Variants in MARK2 observed in about 807,000 individuals in gnomAD.
MARK2 encodes the protein microtubule affinity regulating kinase 2.
Under a neutral mutation model 89.8 loss-of-function variants are expected in MARK2, and 16 were observed. The ratio of observed to expected loss-of-function variants is 0.18; its 90% confidence interval spans 0.12 to 0.27. The LOEUF (loss-of-function observed/expected upper bound fraction) is 0.27, where lower values mean the gene tolerates loss of function less well. MARK2 is among the 10% of genes least tolerant of loss of function. The pLI is 1.00. For missense variants in MARK2, 621 were observed against 1,049.9 expected (o/e 0.59, Z 5.65); for synonymous variants, 382 against 399.5 (o/e 0.96, Z 0.52).
chr11:63,853,218 G>C (rs1388192114), intron 1 of MARK2, among the ~76,000 whole-genome samples: 1 of 152,012 alleles, frequency 6.6e-6, no homozygotes, highest in Non-Finnish European at 1.5e-5. Context: ...GGCCAACATG[G>C]TGAAACTCCT....
At chr11:63,888,364 T>G (rs1939530192) in intron 1 of MARK2, among the ~76,000 whole-genome samples, 1 of 152,030 alleles carries the variant, frequency 6.6e-6, no homozygotes, top group Non-Finnish European at 1.5e-5. Flanking sequence ...CCTACCCAGG[T>G]CCCACCTGCC....
intron 1 of MARK2, among the ~76,000 whole-genome samples, chr11:63,856,056 A>G (rs2016820294): frequency 6.6e-6 from 1 of 152,190 alleles, no homozygotes; most frequent in African/African-American, 2.4e-5. Context: ...AAGGTGAGAA[A>G]ACCACGGTAG....
intron 1 of MARK2, among the ~76,000 whole-genome samples, chr11:63,846,817 G>A (rs956558553): frequency 2.0e-5 from 3 of 151,668 alleles, no homozygotes; most frequent in Non-Finnish European, 2.9e-5. Context: ...CACCACACCC[G>A]GCTAATTTTT....
At chr11:63,907,939 C>CA (rs1941479973) in intron 17 of MARK2, among the ~76,000 whole-genome samples, 1 of 152,234 alleles carries the variant, frequency 6.6e-6, no homozygotes, top group Non-Finnish European at 1.5e-5. Flanking sequence ...GCCGTGTGCT[C>CA]AGTGTGCTCA....
chr11:63,909,405 T>C lies in MARK2; in HGVS notation c.*168T>C, dbSNP rs1401840635. 10 of 662,634 alleles carry C rather than the reference T, an allele frequency of 1.5e-5. No homozygotes were observed. Among genetic ancestry groups the C allele is most frequent in the Admixed American group, 3.5e-5 (1 of 28,548 alleles). The allele number at this position is 662,634 out of a possible 1,614,324, so 41.0% of individuals were successfully genotyped here. On this transcript the variant is annotated 3_prime_UTR_variant, in exon 19 of 19. Coordinates refer to ENST00000402010, the MANE Select transcript of MARK2 (RefSeq NM_001039469.3). Reference sequence around the variant, plus strand: ...TTTTCTCTTACATGTTTGTGGGGGGTGGGAGATTGTTCTCCAGCACCCCAC... The same window carrying C: ...TTTTCTCTTACATGTTTGTGGGGGGCGGGAGATTGTTCTCCAGCACCCCAC...
chr11:63,867,353 A>G (rs1371037708), intron 1 of MARK2, among the ~76,000 whole-genome samples: 9 of 152,222 alleles, frequency 5.9e-5, no homozygotes, highest in Admixed American at 5.2e-4. Flanking sequence ...GAGCTGAGCT[A>G]TAGAACTGGT....
intron 1 of MARK2, among the ~76,000 whole-genome samples, chr11:63,893,551 C>G (rs1332893997): frequency 1.3e-5 from 2 of 151,856 alleles, no homozygotes; most frequent in East Asian, 3.9e-4. Context: ...TTTCATTTCT[C>G]TTTTGTATAT....
intron 1 of MARK2, among the ~76,000 whole-genome samples, chr11:63,866,030 G>A (rs187135367): frequency 2.0e-5 from 3 of 151,974 alleles, no homozygotes; most frequent in African/African-American, 7.3e-5. Context: ...CCTCTATTTC[G>A]TTTGGTTTTC....
chr11:63,884,900 A>G (rs573245423), intron 1 of MARK2, among the ~76,000 whole-genome samples: 5 of 152,328 alleles, frequency 3.3e-5, no homozygotes, highest in African/African-American at 1.2e-4. Context: ...TCCAACTCCC[A>G]GTTACAAGAT....
chr11:63,878,229 A>G (rs1244812379), intron 1 of MARK2, among the ~76,000 whole-genome samples: 2 of 152,134 alleles, frequency 1.3e-5, no homozygotes, highest in Non-Finnish European at 2.9e-5. Flanking sequence ...TGTGTAAGGC[A>G]GCACCCATTT....
intron 1 of MARK2, among the ~76,000 whole-genome samples, chr11:63,857,633 T>C (rs962832027): frequency 6.6e-6 from 1 of 152,274 alleles, no homozygotes; most frequent in Non-Finnish European, 1.5e-5. Flanking sequence ...ACTCATGTTC[T>C]GTTAAATGAA....
At chr11:63,906,060 T>G in intron 16 of MARK2, 28 bp from the exon 17 acceptor site, 1 of 1,354,430 alleles carries the variant, frequency 7.4e-7, no homozygotes, top group Middle Eastern at 1.9e-4. Context: ...CTTTTTTTAT[T>G]TTGTCTTTTT....
intron 1 of MARK2, among the ~76,000 whole-genome samples, chr11:63,847,673 G>A (rs1204901322): frequency 6.6e-6 from 1 of 152,200 alleles, no homozygotes; most frequent in Non-Finnish European, 1.5e-5. Flanking sequence ...CTCTGAGCTG[G>A]TCCTTCACTC....
chr11:63,878,851 T>G (rs941700419), intron 1 of MARK2, among the ~76,000 whole-genome samples: 10 of 152,208 alleles, frequency 6.6e-5, no homozygotes, highest in Non-Finnish European at 1.0e-4. Flanking sequence ...CTTGAAATAC[T>G]ATGCTGGGAC....
intron 1 of MARK2, among the ~76,000 whole-genome samples, chr11:63,846,865 C>T (rs2016310098): frequency 6.6e-6 from 1 of 151,912 alleles, no homozygotes; most frequent in African/African-American, 2.4e-5. Flanking sequence ...ACCTTGTTAG[C>T]CAGGATGGTC....
intron 1 of MARK2, among the ~76,000 whole-genome samples, chr11:63,856,587 C>T (rs1168532646): frequency 6.6e-6 from 1 of 150,972 alleles, no homozygotes; most frequent in Non-Finnish European, 1.5e-5. Context: ...CCACACCCGG[C>T]TAATTTTTGT....
intron 1 of MARK2, among the ~76,000 whole-genome samples, chr11:63,853,220 G>A (rs932147509): frequency 2.6e-5 from 4 of 151,978 alleles, no homozygotes; most frequent in Non-Finnish European, 4.4e-5. Context: ...CCAACATGGT[G>A]AAACTCCTTC....
In MARK2 at chr11:63,900,870, C is replaced by T. The variant is rs141719382; in HGVS notation, c.979C>T (p.Arg327Trp). 1.1e-5 allele frequency: 18 copies of T among 1,614,004 alleles called. No homozygotes were observed. The highest frequency in any genetic ancestry group is 4.0e-5 in the African/African-American group (3 of 74,920). ...GCCACTCCCTGACTACAAGGACCCC[C>T]GGCGGACAGGTGAGGCTGTGCCGGG... ...VEPLPDYKDP[R>W]RTELMVSMGY... Residue 327 changes from arginine (R) to tryptophan (W), a missense_variant, in exon 10 of 19, where the codon CGG becomes TGG. Transcript: ENST00000402010. This position sits in a 1 kb window ranked among gnomAD's most constrained non-coding sequence, Gnocchi z 4.7.
chr11:63,869,784 T>A (rs758210612), intron 1 of MARK2, among the ~76,000 whole-genome samples: 17 of 152,222 alleles, frequency 1.1e-4, no homozygotes, highest in Non-Finnish European at 8.8e-5. Context: ...TTAGGCAGGT[T>A]GTCTTGACAT....
Sources: allele counts gnomAD v4.1 joint callset (sites outside exome capture counted in the v4.1 genomes callset), GRCh38; gene constraint gnomAD v4.1.1; non-coding constraint Gnocchi (gnomAD v3.1); transcripts MANE v1.5; gene names NCBI Gene and HGNC (gene_info 2026-07-23, HGNC 2026-07-21).